The following CNTN5 variants were observed in gnomAD, a reference collection of about 807,000 sequenced individuals.
The protein encoded by CNTN5 is contactin 5, also known as contactin-5.
CNTN5 carries 77 observed loss-of-function variants against 129.1 expected under a neutral mutation model. That is an observed-to-expected ratio of 0.60 (90% CI 0.50 to 0.72). CNTN5 has a LOEUF of 0.72. CNTN5 is among the 30% of genes least tolerant of loss of function. The pLI, the probability that CNTN5 is intolerant of heterozygous loss-of-function variation, is 0.00. For missense variants in CNTN5, 1,478 were observed against 1,328.8 expected, an observed-to-expected ratio of 1.11 and a Z score of -1.75; for synonymous variants, 509 against 465.6, an observed-to-expected ratio of 1.09 and a Z score of -1.20.
intron 8 of CNTN5, among the ~76,000 whole-genome samples, chr11:99,957,773 A>G (rs1017516187): frequency 6.6e-6 from 1 of 152,140 alleles, no homozygotes; most frequent in Admixed American, 6.6e-5. Flanking sequence ...GCTTGGTTTT[A>G]GAATATATGC....
intron 16 of CNTN5, among the ~76,000 whole-genome samples, chr11:100,253,020 T>C (rs527340762): frequency 6.6e-6 from 1 of 152,168 alleles, no homozygotes; most frequent in Non-Finnish European, 1.5e-5. Context: ...AATGGCAGAA[T>C]GGCTTGCATG....
intron 3 of CNTN5, among the ~76,000 whole-genome samples, chr11:99,583,264 G>C (rs369380455): frequency 1.3e-5 from 2 of 152,168 alleles, no homozygotes; most frequent in African/African-American, 2.4e-5. Context: ...TAGGCTACTT[G>C]GGGGTCAGGG....
chr11:100,172,638 AG>A (rs1490665005), intron 13 of CNTN5, among the ~76,000 whole-genome samples: 7 of 152,082 alleles, frequency 4.6e-5, no homozygotes, highest in Non-Finnish European at 7.4e-5. Context: ...AAGCAGGAAA[AG>A]TCTTACAGAA....
At chr11:100,109,077 G>T (rs1407323420) in intron 13 of CNTN5, among the ~76,000 whole-genome samples, 1 of 152,080 alleles carries the variant, frequency 6.6e-6, no homozygotes, top group Non-Finnish European at 1.5e-5. Flanking sequence ...CATCACTAAA[G>T]GAAAGCAAAC....
At chr11:99,776,813 G>A (rs981360158) in intron 3 of CNTN5, among the ~76,000 whole-genome samples, 2 of 151,248 alleles carry the variant, frequency 1.3e-5, no homozygotes, top group African/African-American at 4.9e-5. Context: ...ATTCAAAAGC[G>A]ACTGCAAAGA....
intron 7 of CNTN5, among the ~76,000 whole-genome samples, chr11:99,940,735 CAAT>C (rs1846069002): frequency 6.6e-6 from 1 of 152,056 alleles, no homozygotes; most frequent in Non-Finnish European, 1.5e-5. Context: ...TTCATAAAAT[CAAT>C]GATGTGTGCT....
At chr11:99,844,619 T>C in intron 4 of CNTN5, 1 of 498,884 alleles carries the variant, frequency 2.0e-6, no homozygotes, top group Non-Finnish European at 3.6e-6. Context: ...CTGAGGTTTG[T>C]TTTTTATGTA....
At chr11:99,518,391 C>G (rs1035403139) in intron 2 of CNTN5, among the ~76,000 whole-genome samples, 1 of 152,024 alleles carries the variant, frequency 6.6e-6, no homozygotes, top group Non-Finnish European at 1.5e-5. Context: ...CATTTATCAA[C>G]AAAAATACAG....
At chr11:100,336,321 A>T (rs1952038037) in intron 21 of CNTN5, among the ~76,000 whole-genome samples, 1 of 152,240 alleles carries the variant, frequency 6.6e-6, no homozygotes, top group Admixed American at 6.5e-5. Flanking sequence ...ATTTTAATTA[A>T]AAGAGCAATA....
chr11:99,109,589 A>AGT (rs1857688347), intron 1 of CNTN5, among the ~76,000 whole-genome samples: 1 of 152,094 alleles, frequency 6.6e-6, no homozygotes, highest in South Asian at 2.1e-4. Flanking sequence ...AAATAAGCAA[A>AGT]GTGTGTCTGA....
rs1174275762 is a variant in CNTN5, at chr11:99,819,631, C to T, written c.143C>T (p.Ser48Phe). ...AGTTCATCTTCATCTCTCTTTGGTT[C>T]CAAAACCAGACCACGATACAGCAGC... ...KKSSSSSLFGSKTRPRYSSPS... is the reference protein window; with the variant it reads ...KKSSSSSLFGFKTRPRYSSPS... Residue 48 changes from serine (S) to phenylalanine (F), a missense_variant, in exon 4 of 25, where the codon TCC becomes TTC. Transcript: ENST00000524871. The T allele has an allele frequency of 1.2e-6, 2 of 1,612,940 alleles. No individual in the cohort carries two copies. The highest frequency in any genetic ancestry group is 2.2e-5 in the South Asian group (2 of 91,088).
intron 9 of CNTN5, among the ~76,000 whole-genome samples, chr11:100,042,847 G>C (rs532098621): frequency 2.7e-4 from 41 of 152,230 alleles, no homozygotes; most frequent in Middle Eastern, 6.8e-3. Flanking sequence ...TATGATATTA[G>C]CTTTAAAAAA....
At chr11:99,443,425 G>A (rs925950812) in intron 2 of CNTN5, among the ~76,000 whole-genome samples, 4 of 152,192 alleles carry the variant, frequency 2.6e-5, no homozygotes, top group Non-Finnish European at 4.4e-5. Flanking sequence ...TTCAGAAATA[G>A]TGGGTAGCCT....
At chr11:99,539,214 C>T (rs11220364) in intron 2 of CNTN5, among the ~76,000 whole-genome samples, 12,656 of 152,022 alleles carry the variant, frequency 0.083, 616 homozygotes, top group African/African-American at 0.12. Flanking sequence ...AAGTGAAATA[C>T]AATTTTATAT....
chr11:99,386,126 T>A (rs112345172), intron 2 of CNTN5, among the ~76,000 whole-genome samples: 4,422 of 152,226 alleles, frequency 0.029, 206 homozygotes, highest in African/African-American at 0.1. Flanking sequence ...GAGTTAGGAT[T>A]GCTCTTATTG....
intron 7 of CNTN5, among the ~76,000 whole-genome samples, chr11:99,920,655 T>C (rs1949914002): frequency 6.6e-6 from 1 of 152,180 alleles, no homozygotes; most frequent in South Asian, 2.1e-4. Context: ...GTAATTTTAC[T>C]GGTGTCAGCC....
Position 99,848,189 on chromosome 11 carries a change from G to A in CNTN5, c.577+2927G>A, listed in dbSNP as rs759050670. On this transcript the variant is annotated intron_variant, in intron 6 of 24. Transcript: ENST00000524871. ...CACACCACTGCACTCCAGCCTGGGC[G>A]ACAAAGCGAGACTCCTTCTCAAAAC... 5.3e-5 allele frequency among the ~76,000 whole-genome samples: 8 copies of A among 152,246 alleles called. No homozygotes were observed. The South Asian group carries it at 8.3e-4, about 16-fold the overall frequency.
rs527520273 is a variant in CNTN5 at position 99,455,770 on chromosome 11, A to G, written c.-70-100375A>G. Among the ~76,000 whole-genome samples, 63 of 152,334 alleles carry G rather than the reference A, an allele frequency of 4.1e-4. No individual in the cohort carries two copies. The South Asian group carries it at 4.8e-3, about 12-fold the overall frequency. ...TTCCAAAATTACTGATAGTAAGAAG[A>G]AAAGGGAAAAAAAGCATGAAAAATT... On this transcript the variant is annotated intron_variant, in intron 2 of 24. Transcript: ENST00000524871.
intron 1 of CNTN5, among the ~76,000 whole-genome samples, chr11:99,030,672 T>C (rs1158902973): frequency 3.3e-5 from 5 of 152,180 alleles, no homozygotes; most frequent in Non-Finnish European, 7.4e-5. Flanking sequence ...ATTAATAATG[T>C]TCCCCAATTA....
Sources: gnomAD v4.1 joint callset for allele counts (sites outside exome capture counted in the v4.1 genomes callset) on GRCh38, gnomAD v4.1.1 for gene constraint, MANE v1.5 for transcripts, NCBI Gene and HGNC (gene_info 2026-07-23, HGNC 2026-07-21) for gene names.